The following DSCAM variants were observed in gnomAD, a reference collection of about 807,000 sequenced individuals.
DSCAM encodes the protein cell adhesion molecule DSCAM.
Under a neutral mutation model 217.7 loss-of-function variants are expected in DSCAM, and 47 were observed. The ratio of observed to expected loss-of-function variants is 0.22; its 90% CI spans 0.17 to 0.28. The LOEUF (loss-of-function observed/expected upper bound fraction) is 0.28, where lower values mean the gene tolerates loss of function less well. Ranked by LOEUF, DSCAM falls within the 10% of genes least tolerant of loss-of-function variation. The probability of loss-of-function intolerance (pLI) is 1.00; values close to 1 mark genes in which losing one functional copy is unlikely to be tolerated. For synonymous variants in DSCAM, 1,056 were observed against 1,015.3 expected, an observed-to-expected ratio of 1.04 and a Z score of -0.76; for missense variants, 2,080 against 2,618.3, an observed-to-expected ratio of 0.79 and a Z score of 4.49.
intron 8 of DSCAM, among the ~76,000 whole-genome samples, chr21:40,314,372 G>A (rs2123498798): frequency 6.6e-6 from 1 of 152,106 alleles, no homozygotes; most frequent in East Asian, 1.9e-4. Context: ...ATCCTCCTGT[G>A]GATTCTCCAT....
chr21:40,184,459 G>A (rs963896920), intron 14 of DSCAM, among the ~76,000 whole-genome samples: 1 of 152,042 alleles, frequency 6.6e-6, no homozygotes, highest in South Asian at 2.1e-4. Context: ...GACCCATGCT[G>A]CCCCTTAAAA....
chr21:40,615,335 CA>C (rs1050519368), intron 3 of DSCAM: 2 of 147,812 alleles, frequency 1.4e-5, no homozygotes, highest in African/African-American at 5.0e-5. Context: ...TATTATATAC[CA>C]AAATGTTAAC....
At chr21:40,533,603 GTCCA>G (rs1215587677) in intron 3 of DSCAM, among the ~76,000 whole-genome samples, 6 of 101,494 alleles carry the variant, frequency 5.9e-5, no homozygotes, top group Non-Finnish European at 9.5e-5. Context: ...CCACCTGTCT[GTCCA>G]TCCATCCATC....
chr21:40,242,417 A>G (rs1267648216), intron 11 of DSCAM, among the ~76,000 whole-genome samples: 11 of 152,080 alleles, frequency 7.2e-5, no homozygotes. Flanking sequence ...TGCCATGTGT[A>G]TCTTCCAACC....
intron 3 of DSCAM, among the ~76,000 whole-genome samples, chr21:40,608,687 GAAGTATTT>G (rs1371093699): frequency 6.6e-6 from 1 of 152,130 alleles, no homozygotes; most frequent in Non-Finnish European, 1.5e-5. Context: ...CTCTCCCTGA[GAAGTATTT>G]AATGGAACAC....
intron 3 of DSCAM, among the ~76,000 whole-genome samples, chr21:40,398,787 A>G (rs1217183397): frequency 6.6e-6 from 1 of 151,864 alleles, no homozygotes; most frequent in African/African-American, 2.4e-5. Context: ...GGTGTGTGCC[A>G]CCACACCCAG....
intron 11 of DSCAM, among the ~76,000 whole-genome samples, chr21:40,198,931 T>C (rs574462211): frequency 1.3e-5 from 2 of 152,330 alleles, no homozygotes; most frequent in South Asian, 2.1e-4. Context: ...GATGATGCTG[T>C]CCCTGAATGT....
intron 1 of DSCAM, among the ~76,000 whole-genome samples, chr21:40,779,038 A>G (rs1056043832): frequency 6.7e-6 from 1 of 149,796 alleles, no homozygotes; most frequent in Non-Finnish European, 1.5e-5. Context: ...AACAGAAAAA[A>G]AAAAAAAAAA....
At position 40,012,830 on chromosome 21, in the gene DSCAM, C is replaced by T; in HGVS notation, c.*204G>A. The T allele has an allele frequency of 2.6e-6, 1 of 379,090 alleles. No individual in the cohort carries two copies. The highest frequency in any genetic ancestry group is 1.4e-4 in the South Asian group (1 of 7,258). The allele number at this position is 379,090 out of a possible 1,614,324, so 23.5% of individuals were successfully genotyped here. On this transcript the variant is annotated 3_prime_UTR_variant, in exon 33 of 33. Coordinates refer to ENST00000400454, the MANE Select transcript of DSCAM (RefSeq NM_001389.5). ...ACTTCTTTCCCAAAAAATCAGATGC[C>T]CAGGCGGATGGAGCTCACACTCAGA...
intron 3 of DSCAM, among the ~76,000 whole-genome samples, chr21:40,637,668 AATTT>A (rs1568955446): frequency 1.1e-5 from 1 of 89,258 alleles, no homozygotes; most frequent in Non-Finnish European, 2.2e-5. Context: ...TATATATATA[AATTT>A]TTTTCTTTTT....
chr21:40,415,394 A>G (rs2123803706), intron 3 of DSCAM, among the ~76,000 whole-genome samples: 1 of 152,342 alleles, frequency 6.6e-6, no homozygotes, highest in South Asian at 2.1e-4. Context: ...CAAACAACAA[A>G]CAGAGCTAAT....
intron 3 of DSCAM, among the ~76,000 whole-genome samples, chr21:40,406,167 G>T (rs2075278180): frequency 6.6e-6 from 1 of 152,194 alleles, no homozygotes; most frequent in Non-Finnish European, 1.5e-5. Context: ...TGGTGAGAAT[G>T]TAGAGAAAAG....
intron 11 of DSCAM, among the ~76,000 whole-genome samples, chr21:40,273,310 T>A (rs578122573): frequency 8.5e-4 from 129 of 152,340 alleles, no homozygotes; most frequent in Non-Finnish European, 1.5e-3. Flanking sequence ...GATAAACTAA[T>A]ACAAACAGTC....
At chr21:40,452,885 T>C (rs1197585090) in intron 3 of DSCAM, among the ~76,000 whole-genome samples, 2 of 152,142 alleles carry the variant, frequency 1.3e-5, no homozygotes, top group Admixed American at 6.6e-5. Context: ...CTGAAATCAG[T>C]AGTTTATGCT....
At chr21:40,809,653 A>G (rs2091820164) in intron 1 of DSCAM, among the ~76,000 whole-genome samples, 1 of 152,188 alleles carries the variant, frequency 6.6e-6, no homozygotes, top group Non-Finnish European at 1.5e-5. Flanking sequence ...TGGGTCCTCT[A>G]GGAGACGTCA....
At chr21:40,025,878 C>A (rs1205143284) in intron 32 of DSCAM, among the ~76,000 whole-genome samples, 2 of 150,420 alleles carry the variant, frequency 1.3e-5, no homozygotes, top group Non-Finnish European at 3.0e-5. Context: ...TGCTTCGGTT[C>A]TACTCTGATT....
intron 19 of DSCAM, among the ~76,000 whole-genome samples, chr21:40,129,664 C>A (rs1203061847): frequency 6.6e-6 from 1 of 152,212 alleles, no homozygotes. Context: ...GCACATGGCA[C>A]ACTACCATAG....
chr21:40,013,306 T>G lies in DSCAM; in HGVS notation c.5767A>C (p.Ser1923Arg). Residue 1923 changes from serine to arginine, a missense_variant, in exon 33 of 33, where the codon AGC becomes CGC. By Grantham distance (110) the Ser-to-Arg change is moderately radical. Around this residue, in one of 5 missense-constraint regions of DSCAM, gnomAD observed 145 missense variants for 138.5 expected, o/e 1.05. Coordinates refer to ENST00000400454, the MANE Select transcript of DSCAM (RefSeq NM_001389.5). Reference sequence around the variant, plus strand: ...GGTTCCAAGCATGCTTGTCCTAAGCTCAGGTCCCTGCTGGTGCCTGGACCA... The same window carrying G: ...GGTTCCAAGCATGCTTGTCCTAAGCGCAGGTCCCTGCTGGTGCCTGGACCA... ...RGGPGTSRDL[S>R]LGQACLEPQK... is the part of the protein sequence containing the mutation. 6.2e-7 allele frequency: 1 copy of G among 1,612,400 alleles called. No individual in the cohort carries two copies. The highest frequency in any genetic ancestry group is 8.5e-7 in the Non-Finnish European group (1 of 1,179,294).
At chr21:40,569,900 A>G (rs1261686842) in intron 3 of DSCAM, among the ~76,000 whole-genome samples, 1 of 152,146 alleles carries the variant, frequency 6.6e-6, no homozygotes, top group Non-Finnish European at 1.5e-5. Context: ...ACATAGAATT[A>G]GCAAACAGCA....
Sources: allele counts gnomAD v4.1 joint callset (sites outside exome capture counted in the v4.1 genomes callset), GRCh38; gene constraint gnomAD v4.1.1; regional missense constraint gnomAD v4.1.1; transcripts MANE v1.5; gene names NCBI Gene and HGNC (gene_info 2026-07-23, HGNC 2026-07-21).